Variants in TJAP1 observed in about 807,000 individuals in gnomAD.
TJAP1 encodes the protein tight junction-associated protein 1.
TJAP1 carries 27 observed loss-of-function variants against 42.0 expected under a neutral mutation model. That is an observed-to-expected ratio of 0.64 (90% confidence interval 0.47 to 0.89). TJAP1 has a LOEUF of 0.89. TJAP1 is among the 40% of genes least tolerant of loss of function. TJAP1 has a pLI of 0.00. For missense variants in TJAP1, 712 were observed against 726.9 expected, an observed-to-expected ratio of 0.98 and a Z score of 0.24; for synonymous variants, 257 against 288.4, an observed-to-expected ratio of 0.89 and a Z score of 1.10.
At chr6:43,503,969 A>C in intron 10 of TJAP1, 1 of 674,828 alleles carries the variant, frequency 1.5e-6, no homozygotes, top group South Asian at 1.5e-5. Flanking sequence ...CAGGAAGGAG[A>C]GGGTAGTCAG....
intron 5 of TJAP1, chr6:43,501,028 A>G: frequency 1.9e-6 from 1 of 528,958 alleles, no homozygotes; most frequent in Non-Finnish European, 3.4e-6. Context: ...TCTTCTTGCT[A>G]AGGAGCCCTT....
In TJAP1 at chr6:43,502,265, T is replaced by C. The variant is rs1791087904; in HGVS notation, c.291-18T>C. ...AGGATCTTGACCCAGGGATGTGCCT[T>C]GTATTATCCCTTTTCAGGCTGCAGA... is the stretch of plus-strand genomic sequence containing the variant. On this transcript the variant is annotated intron_variant, in intron 6 of 10. Transcript: ENST00000372449. 1.2e-6 allele frequency: 2 copies of C among 1,613,362 alleles called. No homozygotes were observed. Among genetic ancestry groups the C allele is most frequent in the Admixed American group, 3.3e-5 (2 of 59,980 alleles).
chr6:43,503,831 T>C (rs1309083437), intron 10 of TJAP1, 125 bp downstream of exon 10: 8 of 831,036 alleles, frequency 9.6e-6, no homozygotes, highest in Non-Finnish European at 1.2e-5. Context: ...CTTGCCTCCA[T>C]GTCACCTCTC....
intron 2 of TJAP1, among the ~76,000 whole-genome samples, chr6:43,480,081 C>A (rs981628693): frequency 9.9e-5 from 15 of 152,148 alleles, no homozygotes; most frequent in Non-Finnish European, 1.5e-5. Context: ...TCTTATCAAT[C>A]AAATGTGGGT....
chr6:43,501,734 ACACACACACACACACACACACACACT>A (rs1407648748), intron 6 of TJAP1, 47 bp downstream of exon 6: 2 of 689,086 alleles, frequency 2.9e-6, no homozygotes, highest in African/African-American at 1.9e-5. Context: ...ACACACACAC[ACACACACACACACACACACACACACT>A]CTCTCTGTCT....
chr6:43,486,127 G>A lies in TJAP1; in HGVS notation c.-122+7895G>A, dbSNP rs1786438641. On this transcript the variant is annotated intron_variant, in intron 2 of 10. Transcript: ENST00000372449. ...CTACAGGCATGTGCCACCACGCGCA[G>A]CTAACTTTTGTATTTTTAGTAGAGA... 1.3e-5 allele frequency among the ~76,000 whole-genome samples: 2 copies of A among 151,562 alleles called. 1 individual carries two copies. The highest frequency in any genetic ancestry group is 1.3e-4 in the Admixed American group (2 of 15,198).
At chr6:43,486,191 C>G (rs1207826049) in intron 2 of TJAP1, among the ~76,000 whole-genome samples, 1 of 151,986 alleles carries the variant, frequency 6.6e-6, no homozygotes, top group African/African-American at 2.4e-5. Flanking sequence ...TCTGGAACTC[C>G]TGACCTCAGG....
In TJAP1 at chr6:43,505,316, C is replaced by T. The variant is rs773526698; in HGVS notation, c.1135C>T (p.Pro379Ser). ...CCGCCCCAGCCCAGTGCCCAGCACC[C>T]CTGCCTCAGCCCAGGCCTCACCCCA... is the stretch of plus-strand genomic sequence containing the variant. Residue 379 changes from proline (P) to serine (S), a missense_variant, in exon 11 of 11, where the codon CCT (proline) becomes TCT (serine). By Grantham distance (74) the Pro-to-Ser change is moderately conservative. Coordinates refer to ENST00000372449, the Ensembl canonical transcript of TJAP1. This position sits in a 1 kb window ranked among gnomAD's most constrained non-coding sequence, Gnocchi z 5.5. The T allele has an allele frequency of 1.2e-6, 2 of 1,610,402 alleles. No homozygotes were observed. The highest frequency in any genetic ancestry group is 1.7e-6 in the Non-Finnish European group (2 of 1,179,676).
intron 2 of TJAP1, among the ~76,000 whole-genome samples, chr6:43,479,284 C>A (rs1784833639): frequency 6.6e-6 from 1 of 152,168 alleles, no homozygotes; most frequent in Non-Finnish European, 1.5e-5. Context: ...ACCTGTCCCC[C>A]CAATCAAAGG....
At chr6:43,500,201 G>C (rs1462347553) in intron 4 of TJAP1, among the ~76,000 whole-genome samples, 5 of 152,216 alleles carry the variant, frequency 3.3e-5, no homozygotes, top group Non-Finnish European at 7.3e-5. Flanking sequence ...AGATGGGGCA[G>C]GAGGTTAAAA....
At chr6:43,499,121 A>G (rs1230925096) in intron 4 of TJAP1, 21 bp downstream of exon 4, 1 of 1,612,420 alleles carries the variant, frequency 6.2e-7, no homozygotes, top group African/African-American at 1.3e-5. Context: ...CTGGTATCAC[A>G]GCCTGACCGG....
At chr6:43,493,620 C>G (rs1788303058) in intron 2 of TJAP1, among the ~76,000 whole-genome samples, 1 of 152,238 alleles carries the variant, frequency 6.6e-6, no homozygotes, top group South Asian at 2.1e-4. Flanking sequence ...CTTTCCTCTT[C>G]TGCATCTCTG....
In TJAP1 at chr6:43,492,895, C is replaced by T. The variant is rs1242050160; in HGVS notation, c.-121-4986C>T. ...TGGGGCACAGCTTCCCACAGGCTTG[C>T]AGACTTCAGAGACTCCACATCCAGC... is the stretch of plus-strand genomic sequence containing the variant. On this transcript the variant is annotated intron_variant, in intron 2 of 10. Transcript: ENST00000372449. This position sits in a 1 kb window ranked among gnomAD's most constrained non-coding sequence, Gnocchi z 4.2. 5.3e-5 allele frequency among the ~76,000 whole-genome samples: 8 copies of T among 152,194 alleles called. No individual in the cohort carries two copies. The highest frequency in any genetic ancestry group is 1.4e-4 in the African/African-American group (6 of 41,446).
chr6:43,504,976 C>T (rs745682902), exon 11 of TJAP1: 14 of 1,614,038 alleles, frequency 8.7e-6, no homozygotes, highest in Non-Finnish European at 3.4e-6. Context: ...TGCATGTGGA[C>T]ATGAGTGAGG....
intron 2 of TJAP1, among the ~76,000 whole-genome samples, chr6:43,496,510 G>T (rs929726290): frequency 6.6e-6 from 1 of 152,220 alleles, no homozygotes; most frequent in Admixed American, 6.5e-5. Flanking sequence ...CTCCTGTCAG[G>T]GGGAGGAGGC....
At chr6:43,477,656 C>T (rs1238048678) in intron 1 of TJAP1, 28 bp downstream of exon 1, 1 of 151,800 alleles carries the variant, frequency 6.6e-6, no homozygotes, top group East Asian at 1.9e-4. Flanking sequence ...AGTAGTCGGG[C>T]GGGGAAGCCA....
chr6:43,494,648 CTTTTT>C (rs775378416), intron 2 of TJAP1, among the ~76,000 whole-genome samples: 2 of 114,388 alleles, frequency 1.7e-5, no homozygotes, highest in South Asian at 2.7e-4. Context: ...TGTTGATTTC[CTTTTT>C]TTTTTTTTTT....
chr6:43,498,510 A>G (rs1232336433), intron 3 of TJAP1, among the ~76,000 whole-genome samples: 1 of 152,196 alleles, frequency 6.6e-6, no homozygotes, highest in African/African-American at 2.4e-5. Flanking sequence ...AGATTGCGCC[A>G]CTACACTCCA....
At chr6:43,504,560 A>G (rs1791803077) in intron 10 of TJAP1, 5 of 696,696 alleles carry the variant, frequency 7.2e-6, no homozygotes, top group African/African-American at 1.8e-5. Context: ...AAGTTAACCA[A>G]AGCTTTGAGT....
Sources: allele counts gnomAD v4.1 joint callset (sites outside exome capture counted in the v4.1 genomes callset), GRCh38; gene constraint gnomAD v4.1.1; non-coding constraint Gnocchi (gnomAD v3.1); transcripts MANE v1.5; gene names NCBI Gene and HGNC (gene_info 2026-07-23, HGNC 2026-07-21).